SCOC: variants seen among roughly 807,000 people sequenced by gnomAD.
SCOC encodes the protein short coiled coil protein.
In SCOC, 7 loss-of-function variants were observed where a neutral mutation model predicts 9.9. That is an observed-to-expected ratio of 0.71 (90% CI 0.40 to 1.33). SCOC has a LOEUF of 1.33. Ranked by LOEUF, SCOC falls within the 40% of genes most tolerant of loss-of-function variation. The probability of loss-of-function intolerance (pLI) is 0.01; values close to 1 mark genes in which losing one functional copy is unlikely to be tolerated. For synonymous variants in SCOC, 19 were observed against 28.2 expected (o/e 0.67, Z 1.03); for missense variants, 66 against 89.7 (o/e 0.74, Z 1.07).
intron 1 of SCOC, among the ~76,000 whole-genome samples, chr4:140,299,511 CAG>C (rs1731753259): frequency 6.6e-6 from 1 of 152,174 alleles, no homozygotes; most frequent in South Asian, 2.1e-4. Flanking sequence ...GAACACTAGT[CAG>C]AGTCTATATC....
At chr4:140,321,606 TG>T (rs1560700151) in intron 1 of SCOC, among the ~76,000 whole-genome samples, 1 of 152,034 alleles carries the variant, frequency 6.6e-6, no homozygotes, top group East Asian at 1.9e-4. Context: ...ATTAATGAAG[TG>T]GAATATAGGT....
intron 1 of SCOC, among the ~76,000 whole-genome samples, chr4:140,304,416 AAAAAC>A (rs775534376): frequency 2.6e-5 from 4 of 152,162 alleles, no homozygotes; most frequent in Non-Finnish European, 5.9e-5. Flanking sequence ...CTGCAGGCCA[AAAAAC>A]AAAACAAAAC....
intron 1 of SCOC, among the ~76,000 whole-genome samples, chr4:140,258,649 G>C (rs527973238): frequency 2.6e-5 from 4 of 152,320 alleles, no homozygotes; most frequent in African/African-American, 9.6e-5. Flanking sequence ...TTTAGATTGT[G>C]TCTGAGTTGG....
At chr4:140,287,537 T>G (rs1731324520) in intron 1 of SCOC, among the ~76,000 whole-genome samples, 1 of 149,510 alleles carries the variant, frequency 6.7e-6, no homozygotes, top group South Asian at 2.1e-4. Context: ...GTACACACAC[T>G]ACACACACAT....
intron 1 of SCOC, among the ~76,000 whole-genome samples, chr4:140,281,153 A>G (rs978405730): frequency 6.6e-6 from 1 of 152,102 alleles, no homozygotes; most frequent in Admixed American, 6.5e-5. Context: ...CCTCTGGGCA[A>G]CTTGTTCCCC....
chr4:140,307,619 T>C (rs1030576755), intron 1 of SCOC, among the ~76,000 whole-genome samples: 1 of 152,172 alleles, frequency 6.6e-6, no homozygotes, highest in African/African-American at 2.4e-5. Context: ...TCCTCAGGGA[T>C]CTTGCACATC....
chr4:140,381,209 T>C lies in SCOC; in HGVS notation c.*105T>C. The C allele has an allele frequency of 9.0e-7, 1 of 1,111,012 alleles. No homozygotes were observed. Among genetic ancestry groups the C allele is most frequent in the South Asian group, 1.6e-5 (1 of 60,614 alleles). The allele number at this position is 1,111,012 out of a possible 1,614,324, so 68.8% of individuals were successfully genotyped here. ...GTACCTTTGTGGCTTCATTGAATAT[T>C]TATGAAGATAATGTCAGATGTAGAC... On this transcript the variant is annotated 3_prime_UTR_variant, in exon 4 of 4. Transcript: ENST00000608372.
intron 1 of SCOC, among the ~76,000 whole-genome samples, chr4:140,302,915 A>G (rs1202353667): frequency 6.6e-6 from 1 of 151,342 alleles, no homozygotes; most frequent in African/African-American, 2.4e-5. Flanking sequence ...AGAAAAAAAA[A>G]GTAAATGAAA....
In SCOC at chr4:140,382,635, A is replaced by G. The variant is rs1443892945; in HGVS notation, c.*1531A>G. On this transcript the variant is annotated 3_prime_UTR_variant, in exon 4 of 4. Coordinates refer to ENST00000608372, the MANE Select transcript of SCOC (RefSeq NM_001153484.2). The stretch of plus-strand genomic sequence containing the variant: ...TATCCAGGGTTATTCAATGCCACAG[A>G]ATAGTGTATCTTATTTAAGTACCCA... The G allele has an allele frequency of 6.6e-6, 1 of 152,654 alleles. No homozygotes were observed. Among genetic ancestry groups the G allele is most frequent in the Non-Finnish European group, 1.5e-5 (1 of 68,040 alleles). 9.5% of individuals were successfully genotyped at this position (152,654 alleles called of 1,614,324 possible).
At chr4:140,343,437 C>T, upstream of SCOC, 1 of 494,734 alleles carries the variant, frequency 2.0e-6, no homozygotes, top group Non-Finnish European at 3.7e-6. Context: ...ACTTGGGTCT[C>T]CTACCACTTC....
intron 1 of SCOC, among the ~76,000 whole-genome samples, chr4:140,317,185 T>C (rs934471538): frequency 6.6e-6 from 1 of 152,156 alleles, no homozygotes; most frequent in African/African-American, 2.4e-5. Context: ...GCCTAGATAC[T>C]GCATGCAGCT....
At chr4:140,278,979 T>G (rs1348344086) in intron 1 of SCOC, among the ~76,000 whole-genome samples, 1 of 151,930 alleles carries the variant, frequency 6.6e-6, no homozygotes, top group Non-Finnish European at 1.5e-5. Context: ...AGACCAAGAT[T>G]CTTAATATGC....
intron 1 of SCOC, among the ~76,000 whole-genome samples, chr4:140,259,785 G>A (rs963949542): frequency 6.6e-6 from 1 of 152,154 alleles, no homozygotes; most frequent in Non-Finnish European, 1.5e-5. Context: ...CCTCTAAGAA[G>A]ATGCCCAAAG....
intron 2 of SCOC, among the ~76,000 whole-genome samples, chr4:140,365,044 A>C (rs1308257487): frequency 1.3e-5 from 2 of 152,196 alleles, no homozygotes; most frequent in East Asian, 3.8e-4. Flanking sequence ...GTTATAAAAA[A>C]AAGTTGTGAA....
chr4:140,353,620 G>A (rs1157054733), intron 2 of SCOC, among the ~76,000 whole-genome samples: 6 of 151,916 alleles, frequency 3.9e-5, no homozygotes, highest in African/African-American at 1.5e-4. Context: ...ACCAGGTCTC[G>A]ATCTCTTGAC....
At chr4:140,263,993 G>A (rs561895606) in intron 1 of SCOC, among the ~76,000 whole-genome samples, 45 of 152,268 alleles carry the variant, frequency 3.0e-4, no homozygotes, top group Non-Finnish European at 5.7e-4. Flanking sequence ...TAAAGCAAGG[G>A]AGTGGTAATT....
chr4:140,373,519 G>T (rs773676838), upstream of SCOC: 16 of 1,551,590 alleles, frequency 1.0e-5, no homozygotes, highest in Non-Finnish European at 1.2e-5. Context: ...TGGACGACTG[G>T]GGTGAGGCGG....
intron 1 of SCOC, among the ~76,000 whole-genome samples, chr4:140,330,098 G>A (rs1280446307): frequency 1.3e-5 from 2 of 152,062 alleles, no homozygotes; most frequent in Non-Finnish European, 2.9e-5. Context: ...TGTGGTATAT[G>A]TATATATATA....
intron 1 of SCOC, among the ~76,000 whole-genome samples, chr4:140,326,617 G>A (rs751412684): frequency 1.4e-5 from 2 of 144,114 alleles, no homozygotes; most frequent in African/African-American, 5.2e-5. Flanking sequence ...TTACAGTACA[G>A]CATTTCTCAA....
Sources: gnomAD v4.1 joint callset for allele counts (sites outside exome capture counted in the v4.1 genomes callset) on GRCh38, gnomAD v4.1.1 for gene constraint, MANE v1.5 for transcripts, NCBI Gene and HGNC (gene_info 2026-07-23, HGNC 2026-07-21) for gene names.